MTMR9: variants seen among roughly 807,000 people sequenced by gnomAD.
MTMR9 encodes the protein myotubularin related protein 9, also known as myotubularin-related protein 9.
In MTMR9, 39 loss-of-function variants were observed where a neutral mutation model predicts 69.5. That is an observed-to-expected ratio of 0.56 (90% CI 0.43 to 0.73). The LOEUF (loss-of-function observed/expected upper bound fraction) is 0.73. MTMR9 is among the 30% of genes least tolerant of loss of function. The probability of loss-of-function intolerance (pLI) is 0.00; values close to 1 mark genes in which losing one functional copy is unlikely to be tolerated. For missense variants in MTMR9, 900 were observed against 671.2 expected (o/e 1.34, Z -3.77); for synonymous variants, 354 against 240.8 (o/e 1.47, Z -4.35).
chr8:11,295,689 C>T (rs1463528132), intron 2 of MTMR9, among the ~76,000 whole-genome samples: 1 of 152,178 alleles, frequency 6.6e-6, no homozygotes, highest in Middle Eastern at 3.2e-3. Flanking sequence ...TAAAGTTTTG[C>T]TTGATATTTT....
intron 5 of MTMR9, 141 bp from the exon 6 acceptor site, chr8:11,309,386 C>A: frequency 1.4e-6 from 1 of 715,408 alleles, no homozygotes; most frequent in Non-Finnish European, 2.2e-6. Flanking sequence ...CTTTAATCCT[C>A]AAATTATAGC....
At position 11,304,947 on chromosome 8, in the gene MTMR9, A is replaced by C; in HGVS notation, c.524A>C (p.Lys175Thr). Reference protein sequence around the residue: ...PKSIDDEALRKVATFRHGGRF... With the variant: ...PKSIDDEALRTVATFRHGGRF... Reference sequence around the variant, plus strand: ...TCCATCGATGATGAAGCTCTTCGGAAGGTAGCTACATTTCGACATGGAGGG... The same window carrying C: ...TCCATCGATGATGAAGCTCTTCGGACGGTAGCTACATTTCGACATGGAGGG... The change falls in exon 4 of 10, where the codon AAG becomes ACG. Residue 175 changes from lysine (K) to threonine (T), a missense_variant. Transcript: ENST00000221086. 1 of 1,614,012 alleles carries C rather than the reference A, an allele frequency of 6.2e-7. No homozygotes were observed. Among genetic ancestry groups the C allele is most frequent in the South Asian group, 1.1e-5 (1 of 91,062 alleles).
intron 8 of MTMR9, 172 bp downstream of exon 8, chr8:11,317,065 A>G (rs1405460502): frequency 2.1e-6 from 1 of 466,848 alleles, no homozygotes; most frequent in Non-Finnish European, 3.7e-6. Context: ...TTCTTTTATG[A>G]GAGCATGTCC....
Position 11,322,614 on chromosome 8 carries a change from G to T in MTMR9, c.1487-11G>T. ...TTTCTTGCTTCTGTTTTCCATTCCT[G>T]GATTCAATAGGTATTTTCCTACGTT... is the stretch of plus-strand genomic sequence containing the variant. On this transcript the variant is annotated splice_polypyrimidine_tract_variant and intron_variant, in intron 9 of 9. Coordinates refer to ENST00000221086, the MANE Select transcript of MTMR9 (RefSeq NM_015458.4). The T allele has an allele frequency of 6.2e-7, 1 of 1,611,374 alleles. No homozygotes were observed. Among genetic ancestry groups the T allele is most frequent in the South Asian group, 1.1e-5 (1 of 90,666 alleles).
chr8:11,297,045 C>G (rs1054793247), intron 2 of MTMR9, among the ~76,000 whole-genome samples: 7 of 152,114 alleles, frequency 4.6e-5, no homozygotes, highest in Admixed American at 3.9e-4. Context: ...ACTATTGCCA[C>G]TAAATTATAT....
intron 3 of MTMR9, among the ~76,000 whole-genome samples, chr8:11,303,737 T>C (rs1799834943): frequency 6.6e-6 from 1 of 152,144 alleles, no homozygotes; most frequent in South Asian, 2.1e-4. Flanking sequence ...TTTGGCCATG[T>C]TGCCCTGGCT....
At chr8:11,298,011 C>T (rs971674638) in intron 2 of MTMR9, 1 of 450,922 alleles carries the variant, frequency 2.2e-6, no homozygotes, top group Non-Finnish European at 4.5e-6. Context: ...AATTAGGAGT[C>T]CGTATACTCA....
chr8:11,327,035 C>A lies in MTMR9; in HGVS notation c.*4247C>A, dbSNP rs1392233426. 2 of 150,456 alleles carry A rather than the reference C, an allele frequency of 1.3e-5. No individual in the cohort carries two copies. The highest frequency in any genetic ancestry group is 4.9e-5 in the African/African-American group (2 of 40,974). The allele number at this position is 150,456 out of a possible 1,614,324, so 9.3% of individuals were successfully genotyped here. ...TTATTCTCAGATGATAAAATATATA[C>A]TGATACTATAACTTTCTTATGGTAT... is the stretch of plus-strand genomic sequence containing the variant. On this transcript the variant is annotated 3_prime_UTR_variant, in exon 10 of 10. Transcript: ENST00000221086.
At chr8:11,291,800 A>AT (rs534970346) in intron 1 of MTMR9, among the ~76,000 whole-genome samples, 31 of 151,992 alleles carry the variant, frequency 2.0e-4, no homozygotes, top group African/African-American at 5.5e-4. Flanking sequence ...TGTCTTGTAC[A>AT]TTTTTTTTGT....
downstream of MTMR9, chr8:11,331,706 C>G (rs151245433): frequency 6.9e-6 from 11 of 1,596,134 alleles, no homozygotes; most frequent in Non-Finnish European, 9.4e-6. Flanking sequence ...TCCTGGGAGG[C>G]CTGGCGCTGT....
chr8:11,291,528 T>G (rs1799380684), intron 1 of MTMR9, among the ~76,000 whole-genome samples: 1 of 152,112 alleles, frequency 6.6e-6, no homozygotes, highest in Non-Finnish European at 1.5e-5. Context: ...GCTCTTATGT[T>G]TTTAAAACAT....
chr8:11,322,735 C>G lies in MTMR9; in HGVS notation c.1597C>G (p.Arg533Gly). ...ATTACAAGCAAAAGTCAATATCCTT[C>G]GAAGGCAGTTGGCAGAACTGGAAAC... The part of the protein sequence containing the change: ...KELQAKVNIL[R>G]RQLAELETED... Residue 533 changes from arginine (R) to glycine (G), a missense_variant, in exon 10 of 10, where the codon CGA (arginine) becomes GGA (glycine). By Grantham distance (125) the Arg-to-Gly change is moderately radical. Transcript: ENST00000221086. 6.2e-7 allele frequency: 1 copy of G among 1,614,048 alleles called. No homozygotes were observed.
chr8:11,332,241 A>G (rs1801266645), downstream of MTMR9: 2 of 1,438,920 alleles, frequency 1.4e-6, no homozygotes, highest in African/African-American at 1.4e-5. Context: ...AAAGAGTGAA[A>G]GTCTAACTTC....
intron 1 of MTMR9, among the ~76,000 whole-genome samples, chr8:11,289,302 G>A (rs1335008081): frequency 6.6e-6 from 1 of 152,222 alleles, no homozygotes; most frequent in Non-Finnish European, 1.5e-5. Flanking sequence ...GTCATTAAGG[G>A]TAACTCCTTC....
intron 6 of MTMR9, among the ~76,000 whole-genome samples, chr8:11,314,425 T>A (rs1454821909): frequency 6.6e-6 from 1 of 152,168 alleles, no homozygotes; most frequent in Non-Finnish European, 1.5e-5. Flanking sequence ...GTGGTCTAGG[T>A]CTCATTTTCC....
rs1328455047 is a variant in MTMR9 at position 11,316,857 on chromosome 8, A to G, written c.1298A>G (p.Gln433Arg). The G allele has an allele frequency of 3.1e-6, 5 of 1,610,314 alleles. No homozygotes were observed. In the Admixed American group the frequency reaches 5.0e-5, roughly 16 times the overall value. The change falls in exon 8 of 10, where the codon CAG (glutamine) becomes CGG (arginine). Residue 433 changes from glutamine to arginine, a missense_variant. Gln to Arg is a conservative substitution (Grantham distance 43). Coordinates refer to ENST00000221086, the MANE Select transcript of MTMR9 (RefSeq NM_015458.4). The part of the protein sequence containing the change: ...IMLFEHAYAS[Q>R]FGTFLGNNES... The stretch of plus-strand genomic sequence containing the variant: ...CTCTTTGAGCATGCTTATGCCTCAC[A>G]GTTTGGAACATTTCTGGGCAACAAT...
intron 1 of MTMR9, among the ~76,000 whole-genome samples, chr8:11,289,166 C>G (rs1799292603): frequency 1.3e-5 from 2 of 152,158 alleles, no homozygotes; most frequent in African/African-American, 2.4e-5. Flanking sequence ...GAGTGAGTCT[C>G]TGTCTCAAAA....
downstream of MTMR9, among the ~76,000 whole-genome samples, chr8:11,333,024 G>C (rs953910922): frequency 6.6e-6 from 1 of 152,182 alleles, no homozygotes; most frequent in East Asian, 1.9e-4. Context: ...TTCAAGACTT[G>C]TAGGATACCA....
intron 6 of MTMR9, among the ~76,000 whole-genome samples, chr8:11,313,328 T>C (rs1470283275): frequency 6.6e-6 from 1 of 152,220 alleles, no homozygotes; most frequent in East Asian, 1.9e-4. Flanking sequence ...GCTGGTTTGA[T>C]CTTCTATCCA....
Sources: gnomAD v4.1 joint callset for allele counts (sites outside exome capture counted in the v4.1 genomes callset) on GRCh38, gnomAD v4.1.1 for gene constraint, MANE v1.5 for transcripts, NCBI Gene and HGNC (gene_info 2026-07-23, HGNC 2026-07-21) for gene names.